PSTPIP2: variants seen among roughly 807,000 people sequenced by gnomAD.
The protein encoded by PSTPIP2 is proline-serine-threonine phosphatase interacting protein 2, also known as proline-serine-threonine phosphatase-interacting protein 2.
A neutral mutation model predicts 63.3 loss-of-function variants in PSTPIP2; 33 were observed. That is an observed-to-expected ratio of 0.52 (90% CI 0.40 to 0.70). The LOEUF (loss-of-function observed/expected upper bound fraction) is 0.70, where lower values mean the gene tolerates loss of function less well. PSTPIP2 is among the 30% of genes least tolerant of loss of function. The pLI, the probability that PSTPIP2 is intolerant of heterozygous loss-of-function variation, is 0.00. For synonymous variants in PSTPIP2, 125 were observed against 132.7 expected (o/e 0.94, Z 0.40); for missense variants, 312 against 400.7 (o/e 0.78, Z 1.89).
At chr18:46,018,658 T>A (rs926076243) in intron 3 of PSTPIP2, among the ~76,000 whole-genome samples, 1 of 150,620 alleles carries the variant, frequency 6.6e-6, no homozygotes, top group African/African-American at 2.5e-5. Context: ...CATGACTTGA[T>A]ATCTTTTACT....
chr18:46,014,397 A>G (rs1216109211), intron 4 of PSTPIP2, among the ~76,000 whole-genome samples: 2 of 152,308 alleles, frequency 1.3e-5, no homozygotes, highest in South Asian at 4.1e-4. Flanking sequence ...CTTAAGGAAG[A>G]AACAGGATGT....
intron 3 of PSTPIP2, chr18:46,016,184 T>C: frequency 2.1e-6 from 1 of 484,928 alleles, no homozygotes; most frequent in Non-Finnish European, 3.8e-6. Flanking sequence ...TTGTGTTTCA[T>C]TTTCTCCAAT....
chr18:46,063,376 T>C (rs905320680), intron 1 of PSTPIP2, among the ~76,000 whole-genome samples: 1 of 152,184 alleles, frequency 6.6e-6, no homozygotes, highest in East Asian at 1.9e-4. Flanking sequence ...CACAAAACTT[T>C]AGATCAATAA....
intron 3 of PSTPIP2, among the ~76,000 whole-genome samples, chr18:46,021,641 T>C (rs971086483): frequency 8.0e-5 from 12 of 150,876 alleles, no homozygotes; most frequent in African/African-American, 2.4e-4. Context: ...GTGACAATGA[T>C]CAACATTAAA....
intron 14 of PSTPIP2, among the ~76,000 whole-genome samples, 174 bp from the exon 15 acceptor site, chr18:45,985,624 AT>A (rs1448384261): frequency 1.3e-5 from 2 of 152,358 alleles, no homozygotes; most frequent in East Asian, 3.9e-4. Context: ...GCATTGCTTT[AT>A]GGTAAATAAT....
In PSTPIP2 at chr18:46,054,818, G is replaced by A. The variant is rs143894954; in HGVS notation, c.34-14771C>T. Among the ~76,000 whole-genome samples the A allele has an allele frequency of 3.2e-4, 48 of 151,820 alleles. No homozygotes were observed. In the South Asian group the frequency reaches 5.8e-3, roughly 18 times the overall value. On this transcript the variant is annotated intron_variant, in intron 1 of 14. Coordinates refer to ENST00000409746, the MANE Select transcript of PSTPIP2 (RefSeq NM_024430.4). The stretch of plus-strand genomic sequence containing the variant: ...TAGGATTACAGGCACGTGCCACCAC[G>A]CCCAGCTAATTTTTGTATTTTTAGT...
Position 46,040,258 on chromosome 18 carries a change from CA to C in PSTPIP2, c.34-212del, listed in dbSNP as rs1374133578. ...GTTTCAGTTCCTTCAAGGAAAATTC[CA>C]GGTATCTAGCTAGCCCTGCAACCAG... On this transcript the variant is annotated intron_variant, in intron 1 of 14. Coordinates refer to ENST00000409746, the MANE Select transcript of PSTPIP2 (RefSeq NM_024430.4). 7 of 442,344 alleles carry C rather than the reference CA, an allele frequency of 1.6e-5. No individual in the cohort carries two copies. The East Asian group carries it at 2.5e-4, about 16-fold the overall frequency. The allele number at this position is 442,344 out of a possible 1,614,324, so 27.4% of individuals were successfully genotyped here. A position where few individuals can be genotyped will look rare whatever the true frequency, so the allele number is the denominator to read the frequency against.
chr18:46,010,411 T>C (rs1292418672), intron 5 of PSTPIP2, among the ~76,000 whole-genome samples: 1 of 152,150 alleles, frequency 6.6e-6, no homozygotes, highest in Non-Finnish European at 1.5e-5. Context: ...TTGTCTCCCA[T>C]GTGAGGCCCA....
At chr18:46,067,319 G>T (rs555387588) in intron 1 of PSTPIP2, among the ~76,000 whole-genome samples, 1 of 151,636 alleles carries the variant, frequency 6.6e-6, no homozygotes, top group East Asian at 2.0e-4. Flanking sequence ...TGGCTAACAC[G>T]GTGAAACCCC....
At chr18:46,037,668 G>A (rs1461875807) in intron 2 of PSTPIP2, among the ~76,000 whole-genome samples, 1 of 152,148 alleles carries the variant, frequency 6.6e-6, no homozygotes, top group African/African-American at 2.4e-5. Context: ...CAAACACACA[G>A]GCTCAATGAC....
intron 3 of PSTPIP2, among the ~76,000 whole-genome samples, chr18:46,022,078 C>A (rs906981450): frequency 6.6e-6 from 1 of 151,740 alleles, no homozygotes; most frequent in African/African-American, 2.4e-5. Context: ...TTTTACTTTT[C>A]TGTGATTTTT....
In PSTPIP2 at chr18:45,984,340, A is replaced by G. The variant is rs1051355641; in HGVS notation, c.*1119T>C. ...TCTCATAGTGCACAGGTGTTGTACA[A>G]AAAGTACATGACCTCCCTGCTGTTT... is the stretch of plus-strand genomic sequence containing the variant. On this transcript the variant is annotated 3_prime_UTR_variant, in exon 15 of 15. Coordinates refer to ENST00000409746, the MANE Select transcript of PSTPIP2 (RefSeq NM_024430.4). 8 of 152,186 alleles carry G rather than the reference A, an allele frequency of 5.3e-5. No individual in the cohort carries two copies. The highest frequency in any genetic ancestry group is 1.9e-4 in the African/African-American group (8 of 41,454). 9.4% of individuals were successfully genotyped at this position (152,186 alleles called of 1,614,324 possible).
intron 3 of PSTPIP2, among the ~76,000 whole-genome samples, chr18:46,018,647 G>T (rs966218133): frequency 6.6e-6 from 1 of 151,922 alleles, no homozygotes; most frequent in Non-Finnish European, 1.5e-5. Flanking sequence ...GGGATTTCAG[G>T]CATGACTTGA....
At chr18:46,061,812 A>G (rs2144132820) in intron 1 of PSTPIP2, among the ~76,000 whole-genome samples, 1 of 152,344 alleles carries the variant, frequency 6.6e-6, no homozygotes, top group South Asian at 2.1e-4. Flanking sequence ...CCTGGGACAG[A>G]GAAAACAATA....
chr18:46,039,935 G>A lies in PSTPIP2; in HGVS notation c.134+12C>T, dbSNP rs771925735. The A allele has an allele frequency of 1.3e-6, 2 of 1,595,648 alleles. No homozygotes were observed. The highest frequency in any genetic ancestry group is 1.1e-5 in the South Asian group (1 of 90,676). On this transcript the variant is annotated intron_variant, in intron 2 of 14. Transcript: ENST00000409746. ...GCCCACCCTCTTCAGAGAGGACAGA[G>A]CATCATCGTACCTTTCTTTTAGAAA...
At chr18:46,059,900 A>T (rs1476150675) in intron 1 of PSTPIP2, among the ~76,000 whole-genome samples, 1 of 152,130 alleles carries the variant, frequency 6.6e-6, no homozygotes, top group Non-Finnish European at 1.5e-5. Flanking sequence ...GCGTGGTGGC[A>T]CATGCCTGTA....
At chr18:46,020,394 C>A (rs949535451) in intron 3 of PSTPIP2, among the ~76,000 whole-genome samples, 1 of 152,186 alleles carries the variant, frequency 6.6e-6, no homozygotes, top group Non-Finnish European at 1.5e-5. Context: ...GTAGCTCACG[C>A]CTGTAATCCC....
rs1425091591 is a variant in PSTPIP2 at position 46,027,328 on chromosome 18, AT to A, written c.135-2643del. On this transcript the variant is annotated intron_variant, in intron 2 of 14. Coordinates refer to ENST00000409746, the MANE Select transcript of PSTPIP2 (RefSeq NM_024430.4). ...AATAAATAAATAAATAAATAAATAA[AT>A]AAATAAATAAATAAAAATATTAAAA... 2.2e-3 allele frequency among the ~76,000 whole-genome samples: 334 copies of A among 150,260 alleles called. 2 individuals are homozygous for A. Among genetic ancestry groups the A allele is most frequent in the African/African-American group, 7.4e-3 (304 of 41,180 alleles).
At chr18:46,025,387 C>A (rs1907540453) in intron 2 of PSTPIP2, among the ~76,000 whole-genome samples, 1 of 152,124 alleles carries the variant, frequency 6.6e-6, no homozygotes, top group Non-Finnish European at 1.5e-5. Flanking sequence ...ACGCCAGCAC[C>A]TTCCCACTCT....
Sources: gnomAD v4.1 joint callset for allele counts (sites outside exome capture counted in the v4.1 genomes callset) on GRCh38, gnomAD v4.1.1 for gene constraint, MANE v1.5 for transcripts, NCBI Gene and HGNC (gene_info 2026-07-23, HGNC 2026-07-21) for gene names.